CPVL: variants seen among roughly 807,000 people sequenced by gnomAD.
CPVL encodes probable serine carboxypeptidase CPVL.
CPVL carries 51 observed loss-of-function variants against 63.7 expected under a neutral mutation model. The ratio of observed to expected loss-of-function variants is 0.80; its 90% CI spans 0.64 to 1.01. The LOEUF (loss-of-function observed/expected upper bound fraction) is 1.01. Ranked by LOEUF, CPVL falls within the 50% of genes least tolerant of loss-of-function variation. The pLI is 0.00. For missense variants in CPVL, 530 were observed against 573.1 expected, an observed-to-expected ratio of 0.92 and a Z score of 0.77; for synonymous variants, 195 against 206.0, an observed-to-expected ratio of 0.95 and a Z score of 0.46.
chr7:28,999,272 A>AG (rs1489801484), intron 12 of CPVL, among the ~76,000 whole-genome samples: 1 of 152,170 alleles, frequency 6.6e-6, no homozygotes, highest in Admixed American at 6.6e-5. Flanking sequence ...AAAATACCTG[A>AG]GCTCATTAAA....
chr7:29,141,209 G>T lies in CPVL; in HGVS notation c.-11+5220C>A, dbSNP rs568660598. On this transcript the variant is annotated intron_variant, in intron 1 of 12. Transcript: ENST00000265394. ...CACAGTACCTAGCATACAGTCAGTA[G>T]CATATAGGAAGGCAATGCAGTCCGG... 9.2e-5 allele frequency among the ~76,000 whole-genome samples: 14 copies of T among 152,336 alleles called. No individual in the cohort carries two copies. In the South Asian group the frequency reaches 2.3e-3, roughly 25 times the overall value.
chr7:29,193,139 T>C (rs973514871), intron 1 of CPVL: 10 of 152,102 alleles, frequency 6.6e-5, no homozygotes, highest in African/African-American at 1.9e-4. Flanking sequence ...AGTTGAGGGG[T>C]AGGAAGACGC....
chr7:29,083,300 T>C (rs138794540), intron 7 of CPVL, among the ~76,000 whole-genome samples: 3 of 152,264 alleles, frequency 2.0e-5, no homozygotes, highest in African/African-American at 7.2e-5. Flanking sequence ...CACTTGGATC[T>C]TCCTCTGGAG....
At chr7:29,036,701 A>G (rs148375030) in intron 11 of CPVL, among the ~76,000 whole-genome samples, 130 of 152,336 alleles carry the variant, frequency 8.5e-4, no homozygotes, top group African/African-American at 3.0e-3. Flanking sequence ...GGAATTCAAA[A>G]TCACATGGAA....
At chr7:29,016,466 T>A (rs1432225299) in intron 12 of CPVL, among the ~76,000 whole-genome samples, 4 of 151,894 alleles carry the variant, frequency 2.6e-5, no homozygotes, top group Non-Finnish European at 5.9e-5. Context: ...ATAGACCCCC[T>A]CCAATTGGTG....
chr7:29,083,463 T>C (rs574161917), intron 7 of CPVL, among the ~76,000 whole-genome samples: 66 of 152,124 alleles, frequency 4.3e-4, no homozygotes, highest in Non-Finnish European at 6.8e-4. Context: ...GGTTCTAGGA[T>C]AGGCATGGGA....
At chr7:29,096,984 C>CAAA (rs1165892123) in intron 3 of CPVL, among the ~76,000 whole-genome samples, 205 of 51,094 alleles carry the variant, frequency 4.0e-3, no homozygotes, top group Non-Finnish European at 5.2e-3. Flanking sequence ...GACTCTGTCT[C>CAAA]AAAAAAAAAA....
At chr7:29,121,207 A>C (rs1301005060) in intron 1 of CPVL, 136 bp from the exon 2 acceptor site, 12 of 719,082 alleles carry the variant, frequency 1.7e-5, no homozygotes, top group Admixed American at 3.7e-5. Context: ...CTTGGATAGC[A>C]CCATAAATAA....
chr7:29,015,796 C>T (rs1786347356), intron 12 of CPVL, among the ~76,000 whole-genome samples: 1 of 152,076 alleles, frequency 6.6e-6, no homozygotes, highest in African/African-American at 2.4e-5. Context: ...GTGGAAAGGT[C>T]AGAATTTGAA....
In CPVL at chr7:29,043,575, G is replaced by A. The variant is rs1485631542; in HGVS notation, c.1138-12816C>T. On this transcript the variant is annotated intron_variant, in intron 11 of 12. Coordinates refer to ENST00000265394, the MANE Select transcript of CPVL (RefSeq NM_031311.5). ...TCTTCAGAGTGAAAAGAGTAGAGGG[G>A]AAAGCCAGAAATCAAGAAGGAGGGC... 3.9e-5 allele frequency among the ~76,000 whole-genome samples: 6 copies of A among 152,250 alleles called. No individual in the cohort carries two copies. The South Asian group carries it at 1.0e-3, about 26-fold the overall frequency.
intron 5 of CPVL, among the ~76,000 whole-genome samples, chr7:29,158,075 A>T (rs62444096): frequency 6.6e-6 from 1 of 152,016 alleles, no homozygotes; most frequent in Non-Finnish European, 1.5e-5. Flanking sequence ...AAAAGACACA[A>T]TGAGCTCATC....
intron 5 of CPVL, among the ~76,000 whole-genome samples, chr7:29,169,046 A>T (rs915086126): frequency 9.9e-5 from 15 of 152,124 alleles, no homozygotes; most frequent in African/African-American, 3.6e-4. Flanking sequence ...TTGTGGTTTG[A>T]TTTTCATAGG....
intron 12 of CPVL, among the ~76,000 whole-genome samples, chr7:29,024,733 T>A (rs1020187485): frequency 6.6e-6 from 1 of 152,082 alleles, no homozygotes; most frequent in Admixed American, 6.6e-5. Flanking sequence ...AAGATTACTA[T>A]ACCCACAAAG....
chr7:29,113,414 A>G (rs1341476857), intron 2 of CPVL, among the ~76,000 whole-genome samples: 1 of 152,066 alleles, frequency 6.6e-6, no homozygotes, highest in Non-Finnish European at 1.5e-5. Context: ...GAGTGACCTC[A>G]TGGCTACTCA....
intron 6 of CPVL, among the ~76,000 whole-genome samples, chr7:29,090,556 CA>C (rs775518402): frequency 6.6e-6 from 1 of 152,118 alleles, no homozygotes; most frequent in Non-Finnish European, 1.5e-5. Flanking sequence ...ACCAGGAGGG[CA>C]GGGGGTTTGA....
At chr7:29,069,129 C>T (rs1783447742) in intron 9 of CPVL, among the ~76,000 whole-genome samples, 1 of 151,850 alleles carries the variant, frequency 6.6e-6, no homozygotes, top group African/African-American at 2.4e-5. Flanking sequence ...AATAACTTTG[C>T]TTTTAGAAAG....
intron 3 of CPVL, among the ~76,000 whole-genome samples, chr7:29,107,088 G>A (rs1001125530): frequency 6.6e-6 from 1 of 152,196 alleles, no homozygotes; most frequent in African/African-American, 2.4e-5. Flanking sequence ...TCAGCCATGG[G>A]GCTGTTTGAG....
intron 7 of CPVL, among the ~76,000 whole-genome samples, chr7:29,074,390 T>C (rs964136862): frequency 2.0e-5 from 3 of 152,200 alleles, no homozygotes; most frequent in African/African-American, 4.8e-5. Flanking sequence ...CTCTTGTTAG[T>C]GACAATAAGT....
intron 7 of CPVL, among the ~76,000 whole-genome samples, chr7:29,074,480 A>G (rs1158462829): frequency 6.6e-6 from 1 of 152,150 alleles, no homozygotes; most frequent in Non-Finnish European, 1.5e-5. Flanking sequence ...GTAAAAATGT[A>G]TTGTTATATA....
Sources: allele counts gnomAD v4.1 joint callset (sites outside exome capture counted in the v4.1 genomes callset), GRCh38; gene constraint gnomAD v4.1.1; transcripts MANE v1.5; gene names NCBI Gene and HGNC (gene_info 2026-07-23, HGNC 2026-07-21).